The following BBS7 variants were observed in gnomAD, a reference collection of about 807,000 sequenced individuals.
The protein encoded by BBS7 is BBSome complex member BBS7.
A neutral mutation model predicts 90.3 loss-of-function variants in BBS7; 50 were observed. The observed-to-expected ratio is 0.55, with a 90% confidence interval of 0.44 to 0.70. BBS7 has a LOEUF of 0.70. Ranked by LOEUF, BBS7 falls within the 30% of genes least tolerant of loss-of-function variation. BBS7 has a pLI of 0.00. For synonymous variants in BBS7, 235 were observed against 287.4 expected (o/e 0.82, Z 1.85); for missense variants, 729 against 838.9 (o/e 0.87, Z 1.62).
At chr4:121,844,306 G>A (rs1725892837) in intron 11 of BBS7, among the ~76,000 whole-genome samples, 1 of 152,118 alleles carries the variant, frequency 6.6e-6, no homozygotes, top group Admixed American at 6.5e-5. Flanking sequence ...TGCTAAAAAT[G>A]TTACCATGAG....
intron 2 of BBS7, among the ~76,000 whole-genome samples, chr4:121,865,622 C>T (rs1727227719): frequency 6.6e-6 from 1 of 152,174 alleles, no homozygotes. Flanking sequence ...TGTTGTTAAA[C>T]ACCCAGGCTG....
rs1194745032 is a variant in BBS7 at position 121,847,480 on chromosome 4, G to A, written c.961C>T (p.Pro321Ser). The A allele has an allele frequency of 6.2e-7, 1 of 1,613,220 alleles. No individual in the cohort carries two copies. Among genetic ancestry groups the A allele is most frequent in the African/African-American group, 1.3e-5 (1 of 74,880 alleles). ...CCTGGTCCACTTTCCTTATGAATGGGCTCTGTTGTCAGACCTGTAACCCAG... is the reference window on the plus strand; with the variant it reads ...CCTGGTCCACTTTCCTTATGAATGGACTCTGTTGTCAGACCTGTAACCCAG... ...SGWVTGLTTE[P>S]IHKESGPGEE... is the part of the protein sequence containing the mutation. Residue 321 changes from proline (P) to serine (S), a missense_variant, in exon 10 of 19, where the codon CCC (proline) becomes TCC (serine). Physicochemically the swap from Pro to Ser is moderately conservative, Grantham distance 74 (BLOSUM62 -1). Transcript: ENST00000264499.
intron 9 of BBS7, 138 bp downstream of exon 9, chr4:121,848,706 G>A (rs904454389): frequency 4.5e-6 from 3 of 667,372 alleles, no homozygotes; most frequent in African/African-American, 1.8e-5. Flanking sequence ...TCCACTGGGG[G>A]TCTTGGAATG....
chr4:121,863,322 T>C (rs1727087183), intron 2 of BBS7, 43 bp from the exon 3 acceptor site: 1 of 1,456,564 alleles, frequency 6.9e-7, no homozygotes, highest in Non-Finnish European at 9.6e-7. Flanking sequence ...ATTATTAATA[T>C]TATGACCTAA....
rs1430209323 is a variant in BBS7, at chr4:121,833,494, A to G, written c.1512-99T>C. 3.8e-6 allele frequency: 4 copies of G among 1,058,348 alleles called. No homozygotes were observed. In the African/African-American group the frequency reaches 4.8e-5, roughly 13 times the overall value. 65.6% of individuals were successfully genotyped at this position (1,058,348 alleles called of 1,614,324 possible). A position where few individuals can be genotyped will look rare whatever the true frequency, so the allele number is the denominator to read the frequency against. ...CAGAATTTTGTAATAGTTGTTAAAT[A>G]TAAATGAAAACATTCAATTTTCTCA... On this transcript the variant is annotated intron_variant, in intron 14 of 18. Transcript: ENST00000264499.
At position 121,861,670 on chromosome 4, in the gene BBS7, T is replaced by G. The variant is rs773406953; in HGVS notation, c.175A>C (p.Lys59Gln). 1 of 1,613,708 alleles carries G rather than the reference T, an allele frequency of 6.2e-7. No homozygotes were observed. Among genetic ancestry groups the G allele is most frequent in the Admixed American group, 1.7e-5 (1 of 59,994 alleles). ...MKKGEAAAVF[K>Q]TLPGPKIARL... ...GCAATCTTCGGCCCGGGTAAAGTCTTGAACACTGCCTGAAAAAAATCATTC... is the reference window on the plus strand; with the variant it reads ...GCAATCTTCGGCCCGGGTAAAGTCTGGAACACTGCCTGAAAAAAATCATTC... Residue 59 changes from lysine (K) to glutamine (Q), a missense_variant, in exon 4 of 19, where the codon AAG (lysine) becomes CAG (glutamine). Transcript: ENST00000264499.
At chr4:121,839,719 G>A in intron 12 of BBS7, 23 bp from the exon 13 acceptor site, 1 of 1,592,600 alleles carries the variant, frequency 6.3e-7, no homozygotes, top group Non-Finnish European at 8.6e-7. Flanking sequence ...CAAAGTGGAG[G>A]AAAAGAATGA....
In BBS7 at chr4:121,828,727, T is replaced by G; in HGVS notation, c.1678A>C (p.Lys560Gln). 1 of 1,506,782 alleles carries G rather than the reference T, an allele frequency of 6.6e-7. No homozygotes were observed. The highest frequency in any genetic ancestry group is 1.2e-5 in the South Asian group (1 of 83,604). 93.3% of individuals were successfully genotyped at this position (1,506,782 alleles called of 1,614,324 possible). The change falls in exon 16 of 19, where the codon AAA (lysine) becomes CAA (glutamine). Residue 560 changes from lysine (K) to glutamine (Q), a missense_variant and splice_region_variant. Transcript: ENST00000264499. Reference protein sequence around the residue: ...LDTQLESTYRKGEGVFKSDNI... With the variant: ...LDTQLESTYRQGEGVFKSDNI... ...TCAGATTTAAAAACTCCCTCTCCTT[T>G]TCTATAAAATTAATATATTTTTTAA...
rs1232896835 is a variant in BBS7, at chr4:121,833,337, C to T, written c.1570G>A (p.Val524Met). ...QFSFAEVHSW[V>M]VFCLPEVPEK... ...GGAACTTCAGGCAGACAAAAAACCA[C>T]CCAGGAGTGAACTTCAGCAAAACTG... is the stretch of plus-strand genomic sequence containing the variant. The change falls in exon 15 of 19, where the codon GTG becomes ATG. Residue 524 changes from valine to methionine, a missense_variant. Physicochemically the swap from Val to Met is conservative, Grantham distance 21 (BLOSUM62 1). Coordinates refer to ENST00000264499, the MANE Select transcript of BBS7 (RefSeq NM_176824.3). 1.2e-6 allele frequency: 2 copies of T among 1,614,002 alleles called. No individual in the cohort carries two copies. The highest frequency in any genetic ancestry group is 1.7e-6 in the Non-Finnish European group (2 of 1,179,942).
At chr4:121,827,871 A>G (rs899530202) in intron 18 of BBS7, 1 of 1,085,090 alleles carries the variant, frequency 9.2e-7, no homozygotes, top group African/African-American at 1.6e-5. Flanking sequence ...ATTTTATACC[A>G]GGTTTGTTCA....
intron 13 of BBS7, among the ~76,000 whole-genome samples, chr4:121,838,888 A>G (rs1298605947): frequency 6.9e-6 from 1 of 145,342 alleles, no homozygotes; most frequent in East Asian, 2.1e-4. Flanking sequence ...AGAGCACAAG[A>G]GCGAGACTCC....
intron 10 of BBS7, among the ~76,000 whole-genome samples, chr4:121,846,618 T>C (rs984796205): frequency 6.6e-6 from 1 of 152,194 alleles, no homozygotes; most frequent in African/African-American, 2.4e-5. Context: ...TAACTATACT[T>C]GTATCCTTGT....
chr4:121,850,323 C>G (rs1726251422), intron 8 of BBS7, among the ~76,000 whole-genome samples: 1 of 151,844 alleles, frequency 6.6e-6, no homozygotes, highest in South Asian at 2.1e-4. Flanking sequence ...CACCACCATG[C>G]CTAGCTAATT....
intron 12 of BBS7, among the ~76,000 whole-genome samples, chr4:121,840,259 T>C (rs1178579879): frequency 7.2e-5 from 11 of 152,250 alleles, no homozygotes; most frequent in Non-Finnish European, 1.5e-5. Flanking sequence ...TCTGCCGCCA[T>C]GTGAGATGTG....
Position 121,845,574 on chromosome 4 carries a change from A to C in BBS7, c.1160T>G (p.Leu387Arg). Residue 387 changes from leucine (L) to arginine (R), a missense_variant, in exon 11 of 19, where the codon CTA becomes CGA. Physicochemically the swap from Leu to Arg is moderately radical, Grantham distance 102. Transcript: ENST00000264499. ...PSFGINDKFT[L>R]NKDDASYSLI... The stretch of plus-strand genomic sequence containing the variant: ...GCTGTAACTGGCATCATCTTTATTT[A>C]GTGTAAATTTATCATTTATACCAAA... 6.2e-7 allele frequency: 1 copy of C among 1,612,948 alleles called. No individual in the cohort carries two copies. The highest frequency in any genetic ancestry group is 8.5e-7 in the Non-Finnish European group (1 of 1,179,274).
chr4:121,850,107 G>GT (rs1269143187), intron 8 of BBS7, among the ~76,000 whole-genome samples: 2 of 151,206 alleles, frequency 1.3e-5, no homozygotes, highest in Non-Finnish European at 2.9e-5. Flanking sequence ...CTAGGAATCT[G>GT]TATTTTTTTT....
intron 5 of BBS7, 151 bp from the exon 6 acceptor site, chr4:121,855,712 T>C: frequency 1.4e-6 from 1 of 711,524 alleles, no homozygotes; most frequent in Non-Finnish European, 2.4e-6. Flanking sequence ...AACTTGCATT[T>C]GTTAGCAATT....
At chr4:121,857,490 G>A (rs1241200180) in intron 5 of BBS7, among the ~76,000 whole-genome samples, 1 of 152,024 alleles carries the variant, frequency 6.6e-6, no homozygotes, top group East Asian at 1.9e-4. Context: ...AAACACAAAA[G>A]AATATACACA....
chr4:121,845,197 C>T (rs1578545497), intron 11 of BBS7, among the ~76,000 whole-genome samples: 2 of 151,810 alleles, frequency 1.3e-5, no homozygotes, highest in South Asian at 2.1e-4. Context: ...GGTGAAACCC[C>T]GTCTCTACTA....
Sources: gnomAD v4.1 joint callset for allele counts (sites outside exome capture counted in the v4.1 genomes callset) on GRCh38, gnomAD v4.1.1 for gene constraint, MANE v1.5 for transcripts, NCBI Gene and HGNC (gene_info 2026-07-23, HGNC 2026-07-21) for gene names.